The following DRP2 variants were observed in gnomAD, a reference collection of about 807,000 sequenced individuals.
The protein encoded by DRP2 is dystrophin related protein 2.
Under a neutral mutation model 78.2 loss-of-function variants are expected in DRP2, and 29 were observed. That is an observed-to-expected ratio of 0.37 (90% CI 0.28 to 0.51). DRP2 has a LOEUF of 0.51. Ranked by LOEUF, DRP2 falls within the 20% of genes least tolerant of loss-of-function variation. DRP2 has a pLI of 0.94. For synonymous variants in DRP2, 290 were observed against 281.9 expected (o/e 1.03, Z -0.29); for missense variants, 686 against 770.6 (o/e 0.89, Z 1.30).
At position 101,248,292 on chromosome X, in the gene DRP2, T is replaced by C. The variant is rs751762626; in HGVS notation, c.1454+2T>C. 8.3e-7 allele frequency: 1 copy of C among 1,208,852 alleles called. No individual in the cohort carries two copies. Among genetic ancestry groups the C allele is most frequent in the South Asian group, 1.8e-5 (1 of 56,872 alleles). On this transcript the variant is annotated splice_donor_variant, in intron 13 of 23. Coordinates refer to ENST00000395209, the MANE Select transcript of DRP2 (RefSeq NM_001939.3). LOFTEE classifies it high-confidence loss of function. ...TTGGCTCCTCAATGTTTTTGATAGG[T>C]AAGGGCTTTCAGCTCTGGAAGCCTC...
chrX:101,224,199 T>TTTTG (rs1922017287), intron 1 of DRP2, among the ~76,000 whole-genome samples: 1 of 66,106 alleles, frequency 1.5e-5, no homozygotes, highest in African/African-American at 6.3e-5. Flanking sequence ...TTGTTTTTTT[T>TTTTG]TTTTTTTTTT....
intron 1 of DRP2, among the ~76,000 whole-genome samples, chrX:101,224,067 G>T (rs2147326334): frequency 9.2e-6 from 1 of 109,173 alleles, no homozygotes; most frequent in East Asian, 2.9e-4. Flanking sequence ...GGATTCTGTA[G>T]CCCATGGGAA....
In DRP2 at chrX:101,241,722, C is replaced by T. The variant is rs755031248; in HGVS notation, c.614C>T (p.Ala205Val). ...CTCAGCCGCTTTGTATGGAAGCAGG[C>T]GACGGTGGCCAGTGAACTGTGGGAG... is the stretch of plus-strand genomic sequence containing the variant. ...QNLSRFVWKQ[A>V]TVASELWEKL... Residue 205 changes from alanine to valine, a missense_variant, in exon 7 of 24, where the codon GCG becomes GTG. By Grantham distance (64) the Ala-to-Val change is moderately conservative. Coordinates refer to ENST00000395209, the MANE Select transcript of DRP2 (RefSeq NM_001939.3). 3.1e-5 allele frequency: 38 copies of T among 1,209,818 alleles called. No homozygotes were observed. The highest frequency in any genetic ancestry group is 2.3e-4 in the Middle Eastern group (1 of 4,377).
At chrX:101,260,246 G>A (rs1463797535) in intron 23 of DRP2, 77 bp downstream of exon 23, 10 of 1,161,989 alleles carry the variant, frequency 8.6e-6, no homozygotes, top group South Asian at 3.9e-5. Flanking sequence ...AAGGCTTTGC[G>A]GGGCTGGGAC....
chrX:101,220,757 C>T (rs745977932), intron 1 of DRP2, among the ~76,000 whole-genome samples: 322 of 111,381 alleles, frequency 2.9e-3, no homozygotes, highest in Non-Finnish European at 4.7e-3. Context: ...AAGGGCTCAT[C>T]TCATCTCTGT....
Position 101,260,693 on chromosome X carries a change from C to T in DRP2, c.*72C>T, listed in dbSNP as rs1923521785. On this transcript the variant is annotated 3_prime_UTR_variant, in exon 24 of 24. Transcript: ENST00000395209. ...GGTCAAAGCCTTTCCTCAGCCTTCA[C>T]CCAACCTTTCCAGTTTCCACTGGCC... 8.9e-7 allele frequency: 1 copy of T among 1,120,849 alleles called. No individual in the cohort carries two copies. The highest frequency in any genetic ancestry group is 1.8e-5 in the African/African-American group (1 of 54,420). The allele number at this position is 1,120,849 out of a possible 1,213,427, so 92.4% of individuals were successfully genotyped here.
At chrX:101,245,200 T>C in intron 10 of DRP2, 123 bp downstream of exon 10, 1 of 843,268 alleles carries the variant, frequency 1.2e-6, no homozygotes, top group East Asian at 3.1e-5. Flanking sequence ...TCGGTTTTTC[T>C]CCTACTCATC....
chrX:101,258,794 C>T (rs1048326451), intron 22 of DRP2, among the ~76,000 whole-genome samples: 2 of 111,655 alleles, frequency 1.8e-5, no homozygotes, highest in African/African-American at 6.5e-5. Context: ...ACTCTCCAGC[C>T]ACTGTGGGGC....
Position 101,248,518 on chromosome X carries a change from C to G in DRP2, c.1459C>G (p.Arg487Gly). 2.5e-6 allele frequency: 3 copies of G among 1,210,897 alleles called. No individual in the cohort carries two copies. The highest frequency in any genetic ancestry group is 3.4e-6 in the Non-Finnish European group (3 of 894,934). Residue 487 changes from arginine to glycine, a missense_variant, in exon 14 of 24, where the codon CGC (arginine) becomes GGC (glycine). By Grantham distance (125) the Arg-to-Gly change is moderately radical. Around this residue, in one of 2 missense-constraint regions of DRP2, gnomAD observed 423 missense variants for 531.5 expected, o/e 0.80. Transcript: ENST00000395209. ...GTCTCTTCTTTTTAAACCTAGTGGT[C>G]GCAGCGGAAAGATGCGGGCATTGTC... ...NWLLNVFDSG[R>G]SGKMRALSFK...
rs763727945 is a variant in DRP2 at position 101,245,406 on chromosome X, A to G, written c.1134A>G (p.Thr378=). 1 of 1,206,314 alleles carries G rather than the reference A, an allele frequency of 8.3e-7. No homozygotes were observed. The highest frequency in any genetic ancestry group is 1.7e-5 in the African/African-American group (1 of 57,790). ...PYYINHQAQT[T]CWDHPKMTEL... ...TTTGTAGCCACCAGGCTCAGACCAC[A>G]TGCTGGGACCATCCCAAGATGACAG... Residue 378 remains threonine (T), a synonymous_variant, in exon 11 of 24, where the codon ACA becomes ACG. Coordinates refer to ENST00000395209, the MANE Select transcript of DRP2 (RefSeq NM_001939.3).
chrX:101,254,443 A>C lies in DRP2; in HGVS notation c.1996A>C (p.Met666Leu). The change falls in exon 18 of 24, where the codon ATG (methionine) becomes CTG (leucine). Residue 666 changes from methionine (M) to leucine (L), a missense_variant. By Grantham distance (15) the Met-to-Leu change is conservative (BLOSUM62 2). Around this residue, in one of 2 missense-constraint regions of DRP2, gnomAD observed 423 missense variants for 531.5 expected, o/e 0.80. Transcript: ENST00000395209. ...TCCTCAGACCACATCCAGTGAGAAC[A>C]TGAGGGACTTTGCCACAACCTTAAA... Reference protein sequence around the residue: ...YYTPTTSSENMRDFATTLKNK... With the variant: ...YYTPTTSSENLRDFATTLKNK... 1 of 1,211,936 alleles carries C rather than the reference A, an allele frequency of 8.3e-7. No individual in the cohort carries two copies. Among genetic ancestry groups the C allele is most frequent in the South Asian group, 1.8e-5 (1 of 56,994 alleles).
At chrX:101,242,239 G>C (rs921765453) in intron 7 of DRP2, 86 bp from the exon 8 acceptor site, 16 of 1,136,996 alleles carry the variant, frequency 1.4e-5, no homozygotes, top group Non-Finnish European at 1.9e-5. Flanking sequence ...AAAACCTCTG[G>C]GTGAAGAGGG....
At chrX:101,259,400 A>G (rs1288573278) in intron 22 of DRP2, among the ~76,000 whole-genome samples, 1 of 111,597 alleles carries the variant, frequency 9.0e-6, no homozygotes, top group Non-Finnish European at 1.9e-5. Context: ...GTGAAACTCT[A>G]CATTTCCAGA....
At position 101,260,773 on chromosome X, in the gene DRP2, G is replaced by A; in HGVS notation, c.*152G>A. 1 of 683,283 alleles carries A rather than the reference G, an allele frequency of 1.5e-6. No individual in the cohort carries two copies. The allele number at this position is 683,283 out of a possible 1,213,427, so 56.3% of individuals were successfully genotyped here. A position where few individuals can be genotyped will look rare whatever the true frequency, so the allele number is the denominator to read the frequency against. On this transcript the variant is annotated 3_prime_UTR_variant, in exon 24 of 24. Transcript: ENST00000395209. The stretch of plus-strand genomic sequence containing the variant: ...TCTGGGCAGCAGCAGGGATCTGGTG[G>A]TATGTGAGGTGCATGCGGGCAGTGA...
chrX:101,259,548 G>A (rs1403479857), intron 22 of DRP2, among the ~76,000 whole-genome samples: 1 of 111,620 alleles, frequency 9.0e-6, no homozygotes, highest in Non-Finnish European at 1.9e-5. Flanking sequence ...GCCCAGGCTG[G>A]AGTGTAATGG....
chrX:101,252,601 C>T lies in DRP2; in HGVS notation c.1866-4C>T. The T allele has an allele frequency of 4.1e-6, 5 of 1,207,371 alleles. No individual in the cohort carries two copies. Among genetic ancestry groups the T allele is most frequent in the Non-Finnish European group, 5.6e-6 (5 of 891,625 alleles). ...CTTTCCTACTACATCTCCTCTCCCC[C>T]AAGGTACCGGAGTCTGAAGCAATTC... On this transcript the variant is annotated splice_polypyrimidine_tract_variant and splice_region_variant and intron_variant, in intron 16 of 23. Coordinates refer to ENST00000395209, the MANE Select transcript of DRP2 (RefSeq NM_001939.3).
At chrX:101,247,908 TG>T (rs1198893631) in intron 12 of DRP2, among the ~76,000 whole-genome samples, 180 bp from the exon 13 acceptor site, 1 of 112,398 alleles carries the variant, frequency 8.9e-6, no homozygotes, top group Non-Finnish European at 1.9e-5. Context: ...AGGAACATTT[TG>T]CTGCCTTCTG....
intron 11 of DRP2, 145 bp downstream of exon 11, chrX:101,245,594 C>T (rs990966999): frequency 6.1e-6 from 3 of 493,973 alleles, no homozygotes; most frequent in Non-Finnish European, 1.0e-5. Flanking sequence ...GAAATACTGC[C>T]ATTTGAAACA....
chrX:101,231,077 C>T (rs7049767), intron 2 of DRP2, among the ~76,000 whole-genome samples: 14,015 of 111,942 alleles, frequency 0.13, 668 homozygotes, highest in Middle Eastern at 0.18. Flanking sequence ...CTTTTTATGA[C>T]ATCCACCTTT....
Sources: gnomAD v4.1 joint callset for allele counts (sites outside exome capture counted in the v4.1 genomes callset) on GRCh38, gnomAD v4.1.1 for gene constraint, gnomAD v4.1.1 regional missense constraint, MANE v1.5 for transcripts, NCBI Gene and HGNC (gene_info 2026-07-23, HGNC 2026-07-21) for gene names.